Variants in FLACC1 observed in about 807,000 individuals in gnomAD.
The protein encoded by FLACC1 is flagellum associated containing coiled-coil domains 1.
Under a neutral mutation model 62.8 loss-of-function variants are expected in FLACC1, and 66 were observed. That is an observed-to-expected ratio of 1.05 (90% CI 0.86 to 1.29). The LOEUF is 1.29. Ranked by LOEUF, FLACC1 falls within the 50% of genes most tolerant of loss-of-function variation. FLACC1 has a pLI of 0.00. For missense variants in FLACC1, 452 were observed against 489.1 expected, an observed-to-expected ratio of 0.92 and a Z score of 0.71; for synonymous variants, 156 against 161.0, an observed-to-expected ratio of 0.97 and a Z score of 0.24.
chr2:201,347,857 T>C (rs1234216273), intron 4 of FLACC1, among the ~76,000 whole-genome samples: 1 of 152,162 alleles, frequency 6.6e-6, no homozygotes, highest in Non-Finnish European at 1.5e-5. Context: ...CCTTCTCCAG[T>C]GCCCTCCCGC....
At chr2:201,319,580 CA>C (rs1464405048) in intron 9 of FLACC1, among the ~76,000 whole-genome samples, 3 of 151,986 alleles carry the variant, frequency 2.0e-5, no homozygotes, top group Non-Finnish European at 2.9e-5. Flanking sequence ...AGGCAACCTA[CA>C]AAAAAAGAGA....
intron 11 of FLACC1, among the ~76,000 whole-genome samples, chr2:201,303,301 A>C (rs1338523499): frequency 5.3e-5 from 8 of 152,058 alleles, no homozygotes; most frequent in South Asian, 4.2e-4. Context: ...ACTATAAACA[A>C]CTCTATGCAA....
intron 12 of FLACC1, among the ~76,000 whole-genome samples, chr2:201,294,933 G>T (rs1015791276): frequency 5.9e-5 from 9 of 152,146 alleles, no homozygotes; most frequent in Non-Finnish European, 8.8e-5. Context: ...TTGCTTCAAA[G>T]AGAATAAAAT....
At chr2:201,316,748 C>A (rs527285405) in intron 9 of FLACC1, among the ~76,000 whole-genome samples, 29 of 152,026 alleles carry the variant, frequency 1.9e-4, no homozygotes, top group Admixed American at 1.0e-3. Context: ...AAAGACATAA[C>A]CAAAAAAGAA....
intron 7 of FLACC1, among the ~76,000 whole-genome samples, chr2:201,337,019 T>C (rs1422071343): frequency 8.6e-6 from 1 of 116,936 alleles, no homozygotes; most frequent in African/African-American, 2.9e-5. Context: ...GTGTTTGTTT[T>C]ACTGTTGAAT....
chr2:201,290,598 G>A (rs1316603552), intron 12 of FLACC1, among the ~76,000 whole-genome samples: 1 of 152,172 alleles, frequency 6.6e-6, no homozygotes, highest in African/African-American at 2.4e-5. Context: ...AGCTCCCAGC[G>A]TGAGCGATGC....
intron 2 of FLACC1, 28 bp from the exon 3 acceptor site, chr2:201,350,810 C>T (rs1951013560): frequency 6.3e-7 from 1 of 1,588,594 alleles, no homozygotes; most frequent in Non-Finnish European, 8.6e-7. Context: ...ATAACTAAAA[C>T]AAGAACATTG....
chr2:201,346,908 C>G lies in FLACC1; in HGVS notation c.235-233G>C, dbSNP rs1476371672. Among the ~76,000 whole-genome samples, 1 of 152,172 alleles carries G rather than the reference C, an allele frequency of 6.6e-6. No homozygotes were observed. The highest frequency in any genetic ancestry group is 1.5e-5 in the Non-Finnish European group (1 of 68,036). ...GGGCCTCTCAAGCTCTGCGCCAAAC[C>G]AAGCCACTGATGCCCCTGCCCCCGA... On this transcript the variant is annotated intron_variant, in intron 4 of 14. Coordinates refer to ENST00000392257, the MANE Select transcript of FLACC1 (RefSeq NM_001127391.3). This position sits in a 1 kb window ranked among gnomAD's most constrained non-coding sequence, Gnocchi z 4.0.
intron 9 of FLACC1, among the ~76,000 whole-genome samples, chr2:201,313,747 G>A (rs1279860448): frequency 6.6e-6 from 1 of 152,128 alleles, no homozygotes; most frequent in Admixed American, 6.6e-5. Context: ...CCTGGCAGGA[G>A]GCCAACCAGC....
chr2:201,309,925 A>AAAAAAAAG lies in FLACC1; in HGVS notation c.676-676_676-675insCTTTTTTT, dbSNP rs764506462. Among the ~76,000 whole-genome samples the AAAAAAAAG allele has an allele frequency of 1.2e-3, 118 of 98,562 alleles. 3 individuals carry two copies. The East Asian group carries it at 0.013, about 11-fold the overall frequency. 64.7% of individuals were successfully genotyped at this position (98,562 alleles called of 152,430 possible). A position where few individuals can be genotyped will look rare whatever the true frequency, so the allele number is the denominator to read the frequency against. On this transcript the variant is annotated intron_variant, in intron 9 of 14. Transcript: ENST00000392257. ...TGTCTCAAAAAAAAAAAAAAAAAAA[A>AAAAAAAAG]AAGAAGAAGAAAGGAAATACCTAGT...
intron 9 of FLACC1, among the ~76,000 whole-genome samples, chr2:201,313,754 C>T (rs116010659): frequency 0.033 from 5,020 of 152,258 alleles, 129 homozygotes; most frequent in Non-Finnish European, 0.051. Context: ...GGAGGCCAAC[C>T]AGCACAAAAA....
chr2:201,289,820 C>T lies in FLACC1; in HGVS notation c.943-35G>A. On this transcript the variant is annotated intron_variant, in intron 12 of 14. Transcript: ENST00000392257. ...AAGAAGCTGTTGCAGGACATCATGC[C>T]AATGTCTATTTATTTGGTCTCTTCT... 4 of 1,614,054 alleles carry T rather than the reference C, an allele frequency of 2.5e-6. No homozygotes were observed. The South Asian group carries it at 4.4e-5, about 18-fold the overall frequency.
chr2:201,335,656 G>A (rs946082510), intron 7 of FLACC1, among the ~76,000 whole-genome samples: 1 of 151,918 alleles, frequency 6.6e-6, no homozygotes, highest in Non-Finnish European at 1.5e-5. Context: ...TGGCTATTTG[G>A]GGACTTTGTG....
At chr2:201,290,244 T>G (rs568710682) in intron 12 of FLACC1, among the ~76,000 whole-genome samples, 1 of 152,298 alleles carries the variant, frequency 6.6e-6, no homozygotes, top group Admixed American at 6.5e-5. Context: ...ACCCACAGAA[T>G]GTACAACACA....
chr2:201,351,445 G>T lies in FLACC1; in HGVS notation c.-41C>A. On this transcript the variant is annotated 5_prime_UTR_variant, in exon 2 of 15. Coordinates refer to ENST00000392257, the MANE Select transcript of FLACC1 (RefSeq NM_001127391.3). ...GGAGTCTTGGCTGCTAGATCAGGAG[G>T]CTCTTGCTGAAATTGAAAAACAACA... The T allele has an allele frequency of 6.9e-7, 1 of 1,455,500 alleles. No individual in the cohort carries two copies. The allele number at this position is 1,455,500 out of a possible 1,614,324, so 90.2% of individuals were successfully genotyped here.
chr2:201,301,643 G>A (rs947902561), intron 11 of FLACC1, among the ~76,000 whole-genome samples: 4 of 152,194 alleles, frequency 2.6e-5, no homozygotes, highest in African/African-American at 7.2e-5. Flanking sequence ...ATTCACCAAA[G>A]TTGAAATGAA....
intron 11 of FLACC1, among the ~76,000 whole-genome samples, chr2:201,300,428 G>C (rs1236089473): frequency 6.6e-6 from 1 of 152,202 alleles, no homozygotes; most frequent in Non-Finnish European, 1.5e-5. Context: ...CGGCTGGAAA[G>C]CTCGAATTGG....
rs1950134506 is a variant in FLACC1 at position 201,307,639 on chromosome 2, A to C, written c.776-17T>G. ...TCTTTTTTTCTGTGGAAGTGACAGG[A>C]AAGCACATATATGTGTAAAGATGGG... is the stretch of plus-strand genomic sequence containing the variant. On this transcript the variant is annotated splice_polypyrimidine_tract_variant and intron_variant, in intron 10 of 14. Transcript: ENST00000392257. 2 of 1,557,252 alleles carry C rather than the reference A, an allele frequency of 1.3e-6. No homozygotes were observed. The highest frequency in any genetic ancestry group is 1.8e-6 in the Non-Finnish European group (2 of 1,128,446).
upstream of FLACC1, among the ~76,000 whole-genome samples, chr2:201,361,054 G>A (rs73049509): frequency 9.1e-3 from 1,392 of 152,236 alleles, 30 homozygotes; most frequent in African/African-American, 0.032. Flanking sequence ...TTCAAGCCTG[G>A]ATGATAGAGC....
Sources: allele counts gnomAD v4.1 joint callset (sites outside exome capture counted in the v4.1 genomes callset), GRCh38; gene constraint gnomAD v4.1.1; non-coding constraint Gnocchi (gnomAD v3.1); transcripts MANE v1.5; gene names NCBI Gene and HGNC (gene_info 2026-07-23, HGNC 2026-07-21).